Variants in NBAS observed in about 807,000 individuals in gnomAD.
NBAS encodes the protein NAG/BC035112 fusion.
A neutral mutation model predicts 302.5 loss-of-function variants in NBAS; 219 were observed. The observed-to-expected ratio is 0.72, with a 90% CI of 0.65 to 0.81. NBAS has a LOEUF of 0.81. NBAS is among the 30% of genes least tolerant of loss of function. The probability of loss-of-function intolerance (pLI) is 0.00; values close to 1 mark genes in which losing one functional copy is unlikely to be tolerated. For synonymous variants in NBAS, 1,118 were observed against 1,021.6 expected, an observed-to-expected ratio of 1.09 and a Z score of -1.80; for missense variants, 2,932 against 2,841.6, an observed-to-expected ratio of 1.03 and a Z score of -0.72.
Position 15,275,769 on chromosome 2 carries a change from T to C in NBAS, c.5439A>G (p.Ala1813=). The change falls in exon 44 of 52, where the codon GCA becomes GCG. Residue 1813 remains alanine (A), a synonymous_variant. Transcript: ENST00000281513. ...LTDENMSPLE[A]LEPVLSSQNI... is the part of the protein sequence containing the mutation. ...TTTGACTTGAAAGAACTGGCTCCAA[T>C]GCTTCAAGAGGACTCATGTTTTCAT... The C allele has an allele frequency of 6.2e-7, 1 of 1,614,102 alleles. No homozygotes were observed.
At chr2:14,781,746 C>CA in the NBAS span, among the ~76,000 whole-genome samples, 10,079 of 135,720 alleles carry the variant, frequency 0.074, 1,072 homozygotes, top group African/African-American at 0.23. Context: ...GCTATTGTGA[C>CA]AAAAAAAAAA....
rs1239879150 is a variant in NBAS, at chr2:15,218,843, T to A, written c.6362A>T (p.Glu2121Val). 1 of 1,614,256 alleles carries A rather than the reference T, an allele frequency of 6.2e-7. No homozygotes were observed. The highest frequency in any genetic ancestry group is 2.2e-5 in the East Asian group (1 of 44,880). Residue 2121 changes from glutamate to valine, a missense_variant, in exon 48 of 52, where the codon GAG (glutamate) becomes GTG (valine). Transcript: ENST00000281513. ...QILGQSFHLT[E>V]EDSKLLVFFR... ...GAACACGAGGAGCTTGCTGTCCTCCTCAGTCAGGTGAAATGATTGCCCCAA... is the reference window on the plus strand; with the variant it reads ...GAACACGAGGAGCTTGCTGTCCTCCACAGTCAGGTGAAATGATTGCCCCAA...
chr2:15,443,636 T>G (rs1268339090), intron 21 of NBAS, among the ~76,000 whole-genome samples: 2 of 150,692 alleles, frequency 1.3e-5, no homozygotes, highest in Non-Finnish European at 3.0e-5. Context: ...CAACATAGTG[T>G]TGGAAGTTCT....
At chr2:15,335,554 G>GT (rs1171131251) in intron 35 of NBAS, among the ~76,000 whole-genome samples, 10 of 152,132 alleles carry the variant, frequency 6.6e-5, no homozygotes, top group Admixed American at 6.5e-4. Context: ...TCTCTTTGTG[G>GT]TTTTAACGTG....
the NBAS span, among the ~76,000 whole-genome samples, chr2:15,034,773 C>T: frequency 6.6e-6 from 1 of 152,060 alleles, no homozygotes; most frequent in Non-Finnish European, 1.5e-5. Context: ...ATTGATCAAG[C>T]AGAATACTAT....
At chr2:15,115,038 T>C in the NBAS span, among the ~76,000 whole-genome samples, 67 of 152,332 alleles carry the variant, frequency 4.4e-4, no homozygotes, top group Middle Eastern at 3.4e-3. Flanking sequence ...TTATCCTGTC[T>C]ACTACTATGA....
chr2:14,946,016 G>A, the NBAS span, among the ~76,000 whole-genome samples: 252 of 152,278 alleles, frequency 1.7e-3, no homozygotes, highest in East Asian at 3.5e-3. Context: ...AGGTTGCAGT[G>A]AGCCGAGACT....
chr2:15,144,286 C>T, the NBAS span, among the ~76,000 whole-genome samples: 3 of 152,054 alleles, frequency 2.0e-5, no homozygotes, highest in African/African-American at 7.2e-5. Context: ...CCTTCCTGAA[C>T]TATATGCACC....
At chr2:15,027,545 G>GT in the NBAS span, among the ~76,000 whole-genome samples, 2 of 151,844 alleles carry the variant, frequency 1.3e-5, no homozygotes, top group African/African-American at 4.8e-5. Flanking sequence ...AATCTCTTGG[G>GT]TTTTTTAGTG....
the NBAS span, among the ~76,000 whole-genome samples, chr2:14,965,991 T>C: frequency 6.6e-6 from 1 of 151,980 alleles, no homozygotes; most frequent in Admixed American, 6.5e-5. Flanking sequence ...TATAAGAATA[T>C]AGAAATTTGA....
chr2:15,027,783 A>T, the NBAS span, among the ~76,000 whole-genome samples: 1 of 152,068 alleles, frequency 6.6e-6, no homozygotes, highest in African/African-American at 2.4e-5. Context: ...TGTCATTGTC[A>T]TATTTAGTCT....
chr2:15,298,793 G>C (rs773390916), intron 40 of NBAS, among the ~76,000 whole-genome samples: 1 of 152,064 alleles, frequency 6.6e-6, no homozygotes, highest in Non-Finnish European at 1.5e-5. Context: ...GCATTTTCAC[G>C]TGATTTTCAT....
At chr2:15,103,974 G>C in the NBAS span, among the ~76,000 whole-genome samples, 1 of 152,100 alleles carries the variant, frequency 6.6e-6, no homozygotes, top group East Asian at 1.9e-4. Context: ...GTGAAAATCA[G>C]ACTTTTGGAC....
At chr2:14,797,095 A>AG in the NBAS span, among the ~76,000 whole-genome samples, 1 of 32,296 alleles carries the variant, frequency 3.1e-5, no homozygotes, top group Non-Finnish European at 5.2e-5. Flanking sequence ...ACTCCGTCTC[A>AG]AAAAAAAAAA....
In NBAS at chr2:15,284,732, T is replaced by C. The variant is rs893722581; in HGVS notation, c.5138+2341A>G. 1.2e-4 allele frequency among the ~76,000 whole-genome samples: 18 copies of C among 152,270 alleles called. 1 individual carries two copies. The highest frequency in any genetic ancestry group is 4.1e-4 in the African/African-American group (17 of 41,482). On this transcript the variant is annotated intron_variant, in intron 42 of 51. Transcript: ENST00000281513. ...TTAACAAGGCTGATTTCTAATACTA[T>C]GTTACCAAGTTAGATTAAATAGTAA...
At chr2:15,545,206 A>G (rs1030621646) in intron 6 of NBAS, among the ~76,000 whole-genome samples, 2 of 152,206 alleles carry the variant, frequency 1.3e-5, no homozygotes, top group African/African-American at 4.8e-5. Context: ...AAAGATGCTT[A>G]TATTAGAATA....
At chr2:15,219,726 A>T (rs1157548022) in intron 47 of NBAS, among the ~76,000 whole-genome samples, 2 of 137,722 alleles carry the variant, frequency 1.5e-5, no homozygotes, top group Middle Eastern at 3.3e-3. Flanking sequence ...GTCTACTTCT[A>T]TCCACACAGA....
chr2:15,238,440 G>T (rs775195957), intron 45 of NBAS, 28 bp downstream of exon 45: 2 of 1,588,126 alleles, frequency 1.3e-6, no homozygotes, highest in South Asian at 2.2e-5. Flanking sequence ...GATACAGAGT[G>T]AGCATATAGA....
At chr2:15,541,425 A>C (rs1264749067) in intron 6 of NBAS, among the ~76,000 whole-genome samples, 2 of 152,180 alleles carry the variant, frequency 1.3e-5, no homozygotes, top group Admixed American at 6.5e-5. Flanking sequence ...CTATAACGGA[A>C]GTCATCTATC....
Sources: gnomAD v4.1 joint callset for allele counts (sites outside exome capture counted in the v4.1 genomes callset) on GRCh38, gnomAD v4.1.1 for gene constraint, MANE v1.5 for transcripts, NCBI Gene and HGNC (gene_info 2026-07-23, HGNC 2026-07-21) for gene names.